Variants in DOCK1 observed in about 807,000 individuals in gnomAD.
The protein encoded by DOCK1 is dedicator of cytokinesis protein 1.
In DOCK1, 138 loss-of-function variants were observed where a neutral mutation model predicts 262.7. The observed-to-expected ratio is 0.53, with a 90% confidence interval of 0.46 to 0.61. DOCK1 has a LOEUF of 0.61. Ranked by LOEUF, DOCK1 falls within the 20% of genes least tolerant of loss-of-function variation. The pLI, the probability that DOCK1 is intolerant of heterozygous loss-of-function variation, is 0.00. For synonymous variants in DOCK1, 866 were observed against 867.4 expected (o/e 1.00, Z 0.03); for missense variants, 1,908 against 2,370.7 (o/e 0.80, Z 4.05).
Position 126,970,786 on chromosome 10 carries a change from G to A in DOCK1, c.130+1G>A. On this transcript the variant is annotated splice_donor_variant, in intron 2 of 51. Coordinates refer to ENST00000623213, the MANE Select transcript of DOCK1 (RefSeq NM_001290223.2). LOFTEE classifies it high-confidence loss of function. ...GTGCACATCTTAGAAACATATGAAG[G>A]TGCGTATGCATCTTGGTATCTTTTC... 6.2e-7 allele frequency: 1 copy of A among 1,611,444 alleles called. No homozygotes were observed. The highest frequency in any genetic ancestry group is 8.5e-7 in the Non-Finnish European group (1 of 1,178,164).
In DOCK1 at chr10:127,403,392, T is replaced by C. The variant is rs550426818; in HGVS notation, c.4017+248T>C. On this transcript the variant is annotated intron_variant, in intron 39 of 51. Coordinates refer to ENST00000623213, the MANE Select transcript of DOCK1 (RefSeq NM_001290223.2). ...TCTTAAGGCTTCTATGAATAAATTG[T>C]ACGTAAACAACTGCTGACCTTGTGT... Among the ~76,000 whole-genome samples the C allele has an allele frequency of 2.0e-5, 3 of 152,356 alleles. No individual in the cohort carries two copies. The East Asian group carries it at 5.8e-4, about 29-fold the overall frequency.
At chr10:127,272,362 T>C (rs2060599471) in intron 29 of DOCK1, among the ~76,000 whole-genome samples, 1 of 152,178 alleles carries the variant, frequency 6.6e-6, no homozygotes, top group African/African-American at 2.4e-5. Flanking sequence ...CACTGTGAGC[T>C]CTTCTTCATG....
At chr10:127,289,704 G>A (rs1314783439) in intron 29 of DOCK1, among the ~76,000 whole-genome samples, 1 of 152,034 alleles carries the variant, frequency 6.6e-6, no homozygotes, top group Non-Finnish European at 1.5e-5. Context: ...CTCAATGTAT[G>A]TTTTTTGGTT....
chr10:127,032,066 CAA>C, intron 17 of DOCK1, 69 bp from the exon 18 acceptor site: 4 of 1,533,354 alleles, frequency 2.6e-6, no homozygotes, highest in Non-Finnish European at 3.5e-6. Flanking sequence ...TTAGGGATAA[CAA>C]AGGGTGGCAA....
intron 1 of DOCK1, among the ~76,000 whole-genome samples, chr10:126,954,522 A>G (rs2036576949): frequency 1.3e-5 from 2 of 152,226 alleles, no homozygotes; most frequent in Admixed American, 1.3e-4. Flanking sequence ...CATCACCACC[A>G]TCCATTGCCA....
At chr10:126,971,077 G>GA (rs1191106567) in intron 2 of DOCK1, among the ~76,000 whole-genome samples, 1 of 147,030 alleles carries the variant, frequency 6.8e-6, no homozygotes, top group Non-Finnish European at 1.5e-5. Flanking sequence ...TTGAGACAGA[G>GA]TCTTGCTCTG....
chr10:127,153,762 C>A, intron 27 of DOCK1: 1 of 1,010,806 alleles, frequency 9.9e-7, no homozygotes. Context: ...AGAATCATCC[C>A]AGCATGGCCC....
intron 24 of DOCK1, among the ~76,000 whole-genome samples, chr10:127,108,278 C>A (rs1449924137): frequency 1.3e-5 from 2 of 152,102 alleles, no homozygotes; most frequent in East Asian, 1.9e-4. Context: ...CATACGTACA[C>A]ACACACTTAA....
chr10:126,987,233 T>C (rs2039468215), intron 4 of DOCK1, among the ~76,000 whole-genome samples: 1 of 152,236 alleles, frequency 6.6e-6, no homozygotes, highest in South Asian at 2.1e-4. Context: ...CTTGACATTC[T>C]GTAGACTTTT....
At chr10:127,424,753 C>A (rs997936060) in intron 46 of DOCK1, among the ~76,000 whole-genome samples, 1 of 152,200 alleles carries the variant, frequency 6.6e-6, no homozygotes, top group African/African-American at 2.4e-5. Flanking sequence ...TGAAATCTCT[C>A]TGTATGCTGT....
At chr10:127,002,879 G>A (rs1434953259) in intron 10 of DOCK1, among the ~76,000 whole-genome samples, 3 of 152,182 alleles carry the variant, frequency 2.0e-5, no homozygotes, top group Non-Finnish European at 4.4e-5. Flanking sequence ...ACTGATATCG[G>A]GGCTTCTGAA....
chr10:127,235,237 T>G (rs2134614608), intron 27 of DOCK1, among the ~76,000 whole-genome samples: 1 of 152,128 alleles, frequency 6.6e-6, no homozygotes, highest in African/African-American at 2.4e-5. Context: ...TGACAGACAA[T>G]ACAGTTGTGT....
intron 1 of DOCK1, among the ~76,000 whole-genome samples, chr10:126,926,488 G>A (rs527244008): frequency 1.3e-5 from 2 of 152,236 alleles, no homozygotes; most frequent in South Asian, 2.1e-4. Flanking sequence ...GCAGTTTTAC[G>A]ACTGTATCAC....
intron 3 of DOCK1, among the ~76,000 whole-genome samples, chr10:126,978,241 G>A (rs1426767721): frequency 6.6e-6 from 1 of 152,198 alleles, no homozygotes; most frequent in African/African-American, 2.4e-5. Flanking sequence ...GTTGTCTTCT[G>A]TTCATGAATT....
chr10:127,399,439 A>G (rs1036769282), intron 38 of DOCK1, among the ~76,000 whole-genome samples: 1 of 152,216 alleles, frequency 6.6e-6, no homozygotes, highest in Non-Finnish European at 1.5e-5. Context: ...AATTAAAAGT[A>G]GATGAAAATC....
Position 127,093,219 on chromosome 10 carries a change from TTTTC to T in DOCK1, c.2446-12993_2446-12990del, listed in dbSNP as rs1554883889. Among the ~76,000 whole-genome samples, 63 of 62,920 alleles carry T rather than the reference TTTTC, an allele frequency of 1.0e-3. 3 individuals carry two copies. Among genetic ancestry groups the T allele is most frequent in the East Asian group, 6.3e-3 (16 of 2,520 alleles). 41.3% of individuals were successfully genotyped at this position (62,920 alleles called of 152,430 possible). ...TCCTTTTTCTTTCTTTCTTTCTTTC[TTTTC>T]TTTCTTTCTTTCTTTCTTCTTTTTT... On this transcript the variant is annotated intron_variant, in intron 23 of 51. Transcript: ENST00000623213.
At chr10:127,329,014 G>A (rs540984287) in intron 29 of DOCK1, among the ~76,000 whole-genome samples, 7 of 151,932 alleles carry the variant, frequency 4.6e-5, no homozygotes, top group South Asian at 2.1e-4. Flanking sequence ...CCATTTAACC[G>A]TTTATAAGTG....
At chr10:127,247,274 C>T (rs552675451) in intron 27 of DOCK1, among the ~76,000 whole-genome samples, 1 of 152,256 alleles carries the variant, frequency 6.6e-6, no homozygotes, top group South Asian at 2.1e-4. Context: ...TTCCTTTCCA[C>T]CCAGCTCCGT....
chr10:127,075,290 C>T (rs2046460299), intron 23 of DOCK1, among the ~76,000 whole-genome samples: 1 of 148,974 alleles, frequency 6.7e-6, no homozygotes, highest in Non-Finnish European at 1.5e-5. Context: ...GATTGACGTA[C>T]TGAGACCGAG....
Sources: allele counts gnomAD v4.1 joint callset (sites outside exome capture counted in the v4.1 genomes callset), GRCh38; gene constraint gnomAD v4.1.1; transcripts MANE v1.5; gene names NCBI Gene and HGNC (gene_info 2026-07-23, HGNC 2026-07-21).